PCDH9: variants seen among roughly 807,000 people sequenced by gnomAD.
PCDH9 encodes the protein protocadherin 9.
Under a neutral mutation model 70.6 loss-of-function variants are expected in PCDH9, and 24 were observed. The ratio of observed to expected loss-of-function variants is 0.34; its 90% CI spans 0.25 to 0.48. The LOEUF (loss-of-function observed/expected upper bound fraction) is 0.48. PCDH9 is among the 20% of genes least tolerant of loss of function. PCDH9 has a pLI of 0.99. For missense variants in PCDH9, 1,281 were observed against 1,503.6 expected, an observed-to-expected ratio of 0.85 and a Z score of 2.45; for synonymous variants, 562 against 558.5, an observed-to-expected ratio of 1.01 and a Z score of -0.09.
chr13:66,328,821 A>C (rs1223683887), intron 4 of PCDH9, among the ~76,000 whole-genome samples: 1 of 152,200 alleles, frequency 6.6e-6, no homozygotes, highest in Admixed American at 6.5e-5. Context: ...CTTCAAAGAA[A>C]TATCAAAGCA....
At chr13:67,067,693 G>C (rs2085676422) in intron 2 of PCDH9, among the ~76,000 whole-genome samples, 1 of 149,974 alleles carries the variant, frequency 6.7e-6, no homozygotes, top group Admixed American at 6.7e-5. Context: ...CAGAATGCCT[G>C]ACAGCGGCGA....
chr13:67,088,394 T>A (rs1248475861), intron 2 of PCDH9, among the ~76,000 whole-genome samples: 1 of 152,040 alleles, frequency 6.6e-6, no homozygotes, highest in Non-Finnish European at 1.5e-5. Flanking sequence ...GTGCCACTGA[T>A]ACATCTCGCA....
intron 3 of PCDH9, among the ~76,000 whole-genome samples, chr13:66,689,003 T>C (rs2078444359): frequency 6.6e-6 from 1 of 152,118 alleles, no homozygotes; most frequent in Non-Finnish European, 1.5e-5. Context: ...AATGTTGCAT[T>C]GAAGACCAAT....
intron 4 of PCDH9, among the ~76,000 whole-genome samples, chr13:66,437,145 T>C (rs1172320435): frequency 2.6e-5 from 4 of 151,678 alleles, no homozygotes; most frequent in South Asian, 4.2e-4. Context: ...GCCGGGCTCA[T>C]ACCTGTAATC....
chr13:66,578,549 A>G (rs1434856076), intron 4 of PCDH9, among the ~76,000 whole-genome samples: 1 of 152,080 alleles, frequency 6.6e-6, no homozygotes, highest in Non-Finnish European at 1.5e-5. Flanking sequence ...AATTTTGCTT[A>G]TGATAGCAAC....
At chr13:66,806,151 T>C (rs1049866814) in intron 3 of PCDH9, among the ~76,000 whole-genome samples, 4 of 152,212 alleles carry the variant, frequency 2.6e-5, no homozygotes, top group African/African-American at 9.6e-5. Context: ...TATGTGTTTA[T>C]GAATGTGTAA....
intron 4 of PCDH9, among the ~76,000 whole-genome samples, chr13:66,605,517 A>C (rs1281789248): frequency 6.6e-6 from 1 of 152,154 alleles, no homozygotes; most frequent in Non-Finnish European, 1.5e-5. Context: ...ACAAGTATTG[A>C]ACTGTAGGCT....
intron 2 of PCDH9, among the ~76,000 whole-genome samples, chr13:66,924,443 A>G (rs991113809): frequency 6.6e-6 from 1 of 151,814 alleles, no homozygotes; most frequent in African/African-American, 2.4e-5. Flanking sequence ...CATATTTTCA[A>G]TCATCTTTTT....
chr13:67,184,035 T>C (rs569862379), intron 2 of PCDH9, among the ~76,000 whole-genome samples: 2 of 152,360 alleles, frequency 1.3e-5, no homozygotes, highest in East Asian at 3.9e-4. Flanking sequence ...ACTAGTATCC[T>C]GAATGTTGCA....
At chr13:66,988,409 C>A (rs531300555) in intron 2 of PCDH9, among the ~76,000 whole-genome samples, 5 of 152,084 alleles carry the variant, frequency 3.3e-5, no homozygotes, top group African/African-American at 1.2e-4. Flanking sequence ...GAAACAACAG[C>A]TCCTTATGCT....
chr13:66,539,597 C>T lies in PCDH9; in HGVS notation c.3340+91613G>A, dbSNP rs973184329. Among the ~76,000 whole-genome samples the T allele has an allele frequency of 2.0e-5, 3 of 152,142 alleles. No homozygotes were observed. In the East Asian group the frequency reaches 5.8e-4, roughly 29 times the overall value. ...GAAGAATCACTCAGCTGAGCTCAGC[C>T]CAAGTTACTGACCCACAGAATCTGA... is the stretch of plus-strand genomic sequence containing the variant. On this transcript the variant is annotated intron_variant, in intron 4 of 4. Coordinates refer to ENST00000377865, the MANE Select transcript of PCDH9 (RefSeq NM_203487.3).
intron 2 of PCDH9, among the ~76,000 whole-genome samples, chr13:66,970,491 T>C (rs2083501420): frequency 6.6e-6 from 1 of 151,250 alleles, no homozygotes; most frequent in African/African-American, 2.4e-5. Flanking sequence ...ATAATAAAAA[T>C]CAATCAGGTG....
chr13:66,461,090 C>A (rs1320672035), intron 4 of PCDH9, among the ~76,000 whole-genome samples: 2 of 151,708 alleles, frequency 1.3e-5, no homozygotes, highest in Non-Finnish European at 2.9e-5. Context: ...CTAAGTATAG[C>A]CTCAAGAGAC....
At chr13:66,773,293 G>A (rs938538595) in intron 3 of PCDH9, among the ~76,000 whole-genome samples, 7 of 152,262 alleles carry the variant, frequency 4.6e-5, no homozygotes, top group Non-Finnish European at 7.4e-5. Context: ...GCTATTGAGC[G>A]TTTGAAAAGT....
intron 4 of PCDH9, among the ~76,000 whole-genome samples, chr13:66,396,840 T>A (rs1259352014): frequency 6.6e-6 from 1 of 152,154 alleles, no homozygotes; most frequent in Non-Finnish European, 1.5e-5. Flanking sequence ...GATTTTGAAT[T>A]TGGAAGTCAG....
chr13:66,903,378 T>C (rs1355134186), intron 3 of PCDH9, 126 bp downstream of exon 3: 1 of 400,650 alleles, frequency 2.5e-6, no homozygotes, highest in Non-Finnish European at 4.6e-6. Flanking sequence ...AAAACATTAG[T>C]ATAAAAATGT....
At chr13:67,052,157 TG>T (rs1276723846) in intron 2 of PCDH9, among the ~76,000 whole-genome samples, 2 of 152,116 alleles carry the variant, frequency 1.3e-5, no homozygotes, top group African/African-American at 4.8e-5. Context: ...TGCTAAACTC[TG>T]GGAGATATCA....
At chr13:66,756,758 G>T (rs1473892119) in intron 3 of PCDH9, among the ~76,000 whole-genome samples, 2 of 152,088 alleles carry the variant, frequency 1.3e-5, no homozygotes, top group African/African-American at 4.8e-5. Flanking sequence ...AATTGTAGCT[G>T]GGGATTGCTG....
chr13:66,693,120 G>A (rs542854087), intron 3 of PCDH9, among the ~76,000 whole-genome samples: 4 of 151,958 alleles, frequency 2.6e-5, no homozygotes, highest in Non-Finnish European at 2.9e-5. Context: ...TTTATTCCAC[G>A]TTCTATCCTA....
Sources: allele counts gnomAD v4.1 joint callset (sites outside exome capture counted in the v4.1 genomes callset), GRCh38; gene constraint gnomAD v4.1.1; transcripts MANE v1.5; gene names NCBI Gene and HGNC (gene_info 2026-07-23, HGNC 2026-07-21).